The following NAA25 variants were observed in gnomAD, a reference collection of about 807,000 sequenced individuals.
NAA25 encodes the protein N-terminal acetyltransferase B complex subunit NAA25.
NAA25 carries 30 observed loss-of-function variants against 132.5 expected under a neutral mutation model. That is an observed-to-expected ratio of 0.23 (90% CI 0.17 to 0.31). The LOEUF is 0.31. Ranked by LOEUF, NAA25 falls within the 10% of genes least tolerant of loss-of-function variation. The pLI is 1.00. For synonymous variants in NAA25, 359 were observed against 401.9 expected (o/e 0.89, Z 1.28); for missense variants, 771 against 1,150.4 (o/e 0.67, Z 4.77).
rs79907395 is a variant in NAA25 at position 112,043,707 on chromosome 12, C to T, written c.2168G>A (p.Arg723Gln). ...AAGGAGCAAACGAAGAATATCAATC[C>T]GGGAGGATACCCCATTCTCGGCAGT... ...EKTAENGVSSRIDILRLLLQQ... is the reference protein window; with the variant it reads ...EKTAENGVSSQIDILRLLLQQ... Residue 723 changes from arginine (R) to glutamine (Q), a missense_variant, in exon 18 of 24, where the codon CGG becomes CAG. Transcript: ENST00000261745. 2.0e-3 allele frequency: 3,265 copies of T among 1,614,124 alleles called. 7 individuals carry two copies. Among genetic ancestry groups the T allele is most frequent in the Middle Eastern group, 3.0e-3 (18 of 6,062 alleles).
intron 5 of NAA25, 39 bp from the exon 6 acceptor site, chr12:112,078,780 CT>C (rs755466741): frequency 1.3e-6 from 2 of 1,493,468 alleles, no homozygotes; most frequent in African/African-American, 1.4e-5. Flanking sequence ...TAATTCTCCC[CT>C]GCTTGCACTA....
intron 13 of NAA25, among the ~76,000 whole-genome samples, chr12:112,058,680 T>G (rs141663054): frequency 5.3e-5 from 8 of 152,184 alleles, no homozygotes; most frequent in African/African-American, 1.9e-4. Context: ...TCCCAGCACT[T>G]TGGGAGGCCG....
At chr12:112,071,841 GCACTTGGGTA>G in intron 10 of NAA25, 44 bp downstream of exon 10, 1 of 1,127,890 alleles carries the variant, frequency 8.9e-7, no homozygotes. Flanking sequence ...AATGAATATA[GCACTTGGGTA>G]TTAAGGGCAT....
At chr12:112,094,226 G>T (rs2079179798) in intron 1 of NAA25, among the ~76,000 whole-genome samples, 1 of 141,870 alleles carries the variant, frequency 7.0e-6, no homozygotes, top group Non-Finnish European at 1.5e-5. Flanking sequence ...AGGCGACAGA[G>T]GGAGACTCTG....
At chr12:112,043,385 G>T (rs1017221270) in intron 18 of NAA25, among the ~76,000 whole-genome samples, 174 bp from the exon 19 acceptor site, 3 of 152,250 alleles carry the variant, frequency 2.0e-5, no homozygotes. Context: ...ATATTAATTT[G>T]TTGCTAGCTA....
rs772451664 is a variant in NAA25 at position 112,027,640 on chromosome 12, C to T, written c.*1891G>A. The T allele has an allele frequency of 6.6e-6, 1 of 152,234 alleles. No homozygotes were observed. Among genetic ancestry groups the T allele is most frequent in the Admixed American group, 6.5e-5 (1 of 15,270 alleles). 9.4% of individuals were successfully genotyped at this position (152,234 alleles called of 1,614,324 possible). A position where few individuals can be genotyped will look rare whatever the true frequency, so the allele number is the denominator to read the frequency against. On this transcript the variant is annotated 3_prime_UTR_variant, in exon 24 of 24. Transcript: ENST00000261745. ...GGCTAGCCCACTGAACATACATATG[C>T]TAGATTGATCATGGTCAGTCGATAG... is the stretch of plus-strand genomic sequence containing the variant.
intron 1 of NAA25, among the ~76,000 whole-genome samples, chr12:112,102,448 A>G (rs896011230): frequency 1.3e-5 from 2 of 151,906 alleles, no homozygotes; most frequent in African/African-American, 4.8e-5. Flanking sequence ...CCTCTAATCT[A>G]TGTATTCATC....
intron 21 of NAA25, 184 bp downstream of exon 21, chr12:112,040,297 C>T (rs2078284215): frequency 6.3e-6 from 3 of 476,506 alleles, no homozygotes; most frequent in Admixed American, 4.2e-5. Context: ...TGAATGAAAT[C>T]ATCTTAGAAT....
intron 11 of NAA25, among the ~76,000 whole-genome samples, chr12:112,062,350 A>G (rs1481547651): frequency 1.3e-5 from 2 of 151,106 alleles, no homozygotes; most frequent in East Asian, 1.9e-4. Flanking sequence ...GCTGTGAGCC[A>G]AGATTGTTCT....
chr12:112,035,079 T>C (rs1188905487), intron 22 of NAA25: 2 of 152,150 alleles, frequency 1.3e-5, no homozygotes, highest in Admixed American at 6.6e-5. Flanking sequence ...GGATAGCAGG[T>C]TTGTTTACCA....
At chr12:112,079,467 T>C (rs1363081143) in intron 5 of NAA25, among the ~76,000 whole-genome samples, 2 of 151,890 alleles carry the variant, frequency 1.3e-5, no homozygotes, top group African/African-American at 4.8e-5. Flanking sequence ...TGGTGGTGCA[T>C]GCTTATAATC....
chr12:112,032,657 CA>C (rs1467018827), intron 23 of NAA25, among the ~76,000 whole-genome samples: 1 of 152,130 alleles, frequency 6.6e-6, no homozygotes, highest in Non-Finnish European at 1.5e-5. Flanking sequence ...TTAACATTTA[CA>C]AAAAAGAATC....
intron 23 of NAA25, among the ~76,000 whole-genome samples, chr12:112,031,746 C>A (rs2078152989): frequency 1.3e-5 from 2 of 151,848 alleles, no homozygotes; most frequent in South Asian, 4.2e-4. Context: ...CTGGCCCTGC[C>A]AACTGTGTCA....
intron 1 of NAA25, among the ~76,000 whole-genome samples, chr12:112,101,033 C>G (rs1374665370): frequency 6.6e-6 from 1 of 152,164 alleles, no homozygotes; most frequent in Non-Finnish European, 1.5e-5. Context: ...TCCAACTGCA[C>G]AAGCCTTTGC....
intron 1 of NAA25, among the ~76,000 whole-genome samples, chr12:112,093,909 A>C (rs535201459): frequency 6.6e-6 from 1 of 151,666 alleles, no homozygotes; most frequent in African/African-American, 2.4e-5. Flanking sequence ...TAATTTAAAA[A>C]TTTTTTTCAA....
At chr12:112,083,454 G>A (rs1308420288) in intron 4 of NAA25, among the ~76,000 whole-genome samples, 2 of 151,876 alleles carry the variant, frequency 1.3e-5, no homozygotes, top group South Asian at 2.1e-4. Context: ...GCAGTGGGCC[G>A]GAATTGCACC....
chr12:112,100,989 C>T (rs2079287270), intron 1 of NAA25, among the ~76,000 whole-genome samples: 1 of 152,120 alleles, frequency 6.6e-6, no homozygotes, highest in Non-Finnish European at 1.5e-5. Context: ...CTGCCCACCC[C>T]AGCCTCATCT....
chr12:112,082,331 G>A (rs2078984922), intron 4 of NAA25, among the ~76,000 whole-genome samples: 1 of 152,154 alleles, frequency 6.6e-6, no homozygotes, highest in African/African-American at 2.4e-5. Flanking sequence ...CACTTTGGGA[G>A]GTTGAGACAG....
Position 112,048,273 on chromosome 12 carries a change from G to A in NAA25, c.1880+19C>T. On this transcript the variant is annotated intron_variant, in intron 16 of 23. Transcript: ENST00000261745. ...GATCTAATCCCTTAGTTCCTTTATA[G>A]CTCTCATGCAATACTTACATATTTG... 3 of 1,605,024 alleles carry A rather than the reference G, an allele frequency of 1.9e-6. No homozygotes were observed. Among genetic ancestry groups the A allele is most frequent in the Non-Finnish European group, 2.6e-6 (3 of 1,173,852 alleles).
Sources: gnomAD v4.1 joint callset for allele counts (sites outside exome capture counted in the v4.1 genomes callset) on GRCh38, gnomAD v4.1.1 for gene constraint, MANE v1.5 for transcripts, NCBI Gene and HGNC (gene_info 2026-07-23, HGNC 2026-07-21) for gene names.